The following QTGAL variants were observed in gnomAD, a reference collection of about 807,000 sequenced individuals.
The protein encoded by QTGAL is queuosine-tRNA galactosyltransferase, also known as BGnT-like protein 1.
At chr17:83,027,113 G>A in the QTGAL span, among the ~76,000 whole-genome samples, 2 of 145,284 alleles carry the variant, frequency 1.4e-5, no homozygotes, top group African/African-American at 5.2e-5. Flanking sequence ...GCAGGGCGGG[G>A]AGCCTGCAGG....
chr17:83,024,722 G>C, the QTGAL span, among the ~76,000 whole-genome samples: 1 of 152,242 alleles, frequency 6.6e-6, no homozygotes, highest in African/African-American at 2.4e-5. Context: ...TGGGTAAGGG[G>C]CCTGAGGGTC....
At chr17:82,949,844 T>C in the QTGAL span, 2 of 152,318 alleles carry the variant, frequency 1.3e-5, no homozygotes, top group South Asian at 2.1e-4. Flanking sequence ...CTCCTTGAGA[T>C]AGGGAAATAA....
At chr17:83,008,045 A>C in the QTGAL span, among the ~76,000 whole-genome samples, 1 of 152,138 alleles carries the variant, frequency 6.6e-6, no homozygotes, top group Non-Finnish European at 1.5e-5. Flanking sequence ...TCTCAAGAGG[A>C]GGCGCAGGGA....
At chr17:83,013,723 G>A in the QTGAL span, among the ~76,000 whole-genome samples, 3 of 152,088 alleles carry the variant, frequency 2.0e-5, no homozygotes, top group African/African-American at 7.2e-5. Flanking sequence ...GAGGGCAGAG[G>A]GGCCTGTCCA....
At chr17:82,978,689 T>TA in the QTGAL span, 2 of 152,182 alleles carry the variant, frequency 1.3e-5, no homozygotes, top group African/African-American at 4.8e-5. The surrounding 1 kb of genome is among the most constrained non-coding windows in gnomAD (Gnocchi z 4.8). Flanking sequence ...TTCTATTTTT[T>TA]AAAAAATCTG....
chr17:83,034,754 C>A, the QTGAL span, among the ~76,000 whole-genome samples: 2 of 152,216 alleles, frequency 1.3e-5, no homozygotes, highest in Non-Finnish European at 2.9e-5. Flanking sequence ...AGGAGTTTCC[C>A]TGCACAAGCT....
the QTGAL span, chr17:83,007,329 CTGTT>C: frequency 1.8e-5 from 17 of 961,108 alleles, no homozygotes; most frequent in Non-Finnish European, 2.0e-5. Context: ...CATTTCTAAA[CTGTT>C]TGGTGTGTCT....
the QTGAL span, among the ~76,000 whole-genome samples, chr17:82,951,672 T>C: frequency 6.6e-6 from 1 of 152,126 alleles, no homozygotes; most frequent in African/African-American, 2.4e-5. Context: ...CTTAAACATT[T>C]CTAGCTTTTG....
chr17:83,046,111 A>T, the QTGAL span, among the ~76,000 whole-genome samples: 1 of 151,962 alleles, frequency 6.6e-6, no homozygotes, highest in Non-Finnish European at 1.5e-5. Flanking sequence ...GGCATGACCC[A>T]CCAAACCCGG....
At chr17:83,000,284 T>C in the QTGAL span, among the ~76,000 whole-genome samples, 18 of 152,302 alleles carry the variant, frequency 1.2e-4, no homozygotes, top group East Asian at 2.7e-3. Context: ...TTTACTGTGA[T>C]TTGTGATTTA....
chr17:82,947,033 G>A, the QTGAL span: 1 of 1,499,996 alleles, frequency 6.7e-7, no homozygotes, highest in Non-Finnish European at 9.1e-7. Flanking sequence ...GCTCTAGGAG[G>A]CCACTGTGGA....
chr17:83,048,188 G>A, the QTGAL span, among the ~76,000 whole-genome samples: 8 of 152,184 alleles, frequency 5.3e-5, no homozygotes, highest in South Asian at 2.1e-4. Flanking sequence ...CACTACGCCC[G>A]GCTAATTTTT....
the QTGAL span, among the ~76,000 whole-genome samples, chr17:82,960,690 G>A: frequency 3.3e-5 from 5 of 152,258 alleles, no homozygotes; most frequent in Middle Eastern, 3.4e-3. Context: ...CACCCTCCAC[G>A]GCAGCTGCGC....
At chr17:83,020,076 C>G in the QTGAL span, among the ~76,000 whole-genome samples, 2 of 152,172 alleles carry the variant, frequency 1.3e-5, no homozygotes, top group Admixed American at 1.3e-4. Flanking sequence ...CCCAATTAAG[C>G]ATAACACAGA....
the QTGAL span, chr17:82,956,691 T>A: frequency 6.4e-7 from 1 of 1,572,226 alleles, no homozygotes; most frequent in Non-Finnish European, 8.6e-7. The surrounding 1 kb of genome is among the most constrained non-coding windows in gnomAD (Gnocchi z 5.7). Flanking sequence ...GGCCCCACAC[T>A]CACCAGCTTC....
chr17:82,994,609 C>G, the QTGAL span, among the ~76,000 whole-genome samples: 1 of 152,230 alleles, frequency 6.6e-6, no homozygotes, highest in South Asian at 2.1e-4. Flanking sequence ...CTGCTGAAAT[C>G]TACCAAACAT....
At chr17:83,010,883 C>T in the QTGAL span, among the ~76,000 whole-genome samples, 2 of 152,196 alleles carry the variant, frequency 1.3e-5, no homozygotes, top group African/African-American at 4.8e-5. Context: ...CGTCTTTGTT[C>T]CTCCGCGTCG....
the QTGAL span, among the ~76,000 whole-genome samples, chr17:83,040,354 T>C: frequency 2.0e-5 from 3 of 152,150 alleles, no homozygotes; most frequent in African/African-American, 7.2e-5. Flanking sequence ...TTCAGCCCCA[T>C]GCAATATAGG....
chr17:83,006,191 CAA>C, the QTGAL span: 1 of 985,994 alleles, frequency 1.0e-6, no homozygotes, highest in Non-Finnish European at 1.2e-6. The surrounding 1 kb of genome is among the most constrained non-coding windows in gnomAD (Gnocchi z 5.8). Flanking sequence ...AACTGTGGTC[CAA>C]AGAGTGGTAT....
Sources: gnomAD v4.1 joint callset for allele counts (sites outside exome capture counted in the v4.1 genomes callset) on GRCh38, gnomAD v4.1.1 for gene constraint, Gnocchi (gnomAD v3.1) non-coding constraint, MANE v1.5 for transcripts, NCBI Gene and HGNC (gene_info 2026-07-23, HGNC 2026-07-21) for gene names.